SEC61A2: variants seen among roughly 807,000 people sequenced by gnomAD.
The protein encoded by SEC61A2 is protein transport protein Sec61 subunit alpha isoform 2.
SEC61A2 carries 28 observed loss-of-function variants against 59.9 expected under a neutral mutation model. The observed-to-expected ratio is 0.47, with a 90% confidence interval of 0.35 to 0.64. The LOEUF (loss-of-function observed/expected upper bound fraction) is 0.64. Ranked by LOEUF, SEC61A2 falls within the 30% of genes least tolerant of loss-of-function variation. SEC61A2 has a pLI of 0.01. For synonymous variants in SEC61A2, 202 were observed against 214.4 expected, an observed-to-expected ratio of 0.94 and a Z score of 0.50; for missense variants, 340 against 585.9, an observed-to-expected ratio of 0.58 and a Z score of 4.33.
At chr10:12,151,863 C>T (rs1028165600) in intron 6 of SEC61A2, among the ~76,000 whole-genome samples, 1 of 151,880 alleles carries the variant, frequency 6.6e-6, no homozygotes, top group African/African-American at 2.4e-5. Flanking sequence ...ACCTCTGCCT[C>T]CTGGGTTCAA....
At chr10:12,146,772 C>A (rs1165306898) in intron 4 of SEC61A2, among the ~76,000 whole-genome samples, 2 of 152,172 alleles carry the variant, frequency 1.3e-5, no homozygotes, top group Non-Finnish European at 2.9e-5. Context: ...CCCGCCTCAG[C>A]CTCCCAAAGT....
rs1834604704 is a variant in SEC61A2 at position 12,164,112 on chromosome 10, G to C, written c.1245-156G>C. Among the ~76,000 whole-genome samples, 2 of 152,138 alleles carry C rather than the reference G, an allele frequency of 1.3e-5. No homozygotes were observed. Among genetic ancestry groups the C allele is most frequent in the African/African-American group, 4.8e-5 (2 of 41,414 alleles). The stretch of plus-strand genomic sequence containing the variant: ...ATCAGAGCTCCTGTTCCCATGCCGT[G>C]CCCTGCACACCCCTCCACACTGCAG... On this transcript the variant is annotated intron_variant, in intron 11 of 11. Coordinates refer to ENST00000298428, the MANE Select transcript of SEC61A2 (RefSeq NM_018144.4). This position sits in a 1 kb window ranked among gnomAD's most constrained non-coding sequence, Gnocchi z 7.3.
At chr10:12,132,398 G>C (rs2131641520) in intron 1 of SEC61A2, among the ~76,000 whole-genome samples, 1 of 152,166 alleles carries the variant, frequency 6.6e-6, no homozygotes, top group South Asian at 2.1e-4. Context: ...AGGATCGCTT[G>C]ACGTTAGGAG....
In SEC61A2 at chr10:12,129,684, C is replaced by T. The variant is rs1474002917; in HGVS notation, c.-104C>T. 4 of 1,152,308 alleles carry T rather than the reference C, an allele frequency of 3.5e-6. No homozygotes were observed. In the South Asian group the frequency reaches 4.2e-5, roughly 12 times the overall value. The allele number at this position is 1,152,308 out of a possible 1,614,324, so 71.4% of individuals were successfully genotyped here. A position where few individuals can be genotyped will look rare whatever the true frequency, so the allele number is the denominator to read the frequency against. On this transcript the variant is annotated 5_prime_UTR_variant, in exon 1 of 12. Transcript: ENST00000298428. This position sits in a 1 kb window ranked among gnomAD's most constrained non-coding sequence, Gnocchi z 5.6. Reference sequence around the variant, plus strand: ...GGGTTGGGCGGAGCCTGCGCGGGGCCGGTAGGATCGCGTCGGGAGCCGGTA... The same window carrying T: ...GGGTTGGGCGGAGCCTGCGCGGGGCTGGTAGGATCGCGTCGGGAGCCGGTA...
chr10:12,169,775 C>T (rs766855945), downstream of SEC61A2: 8 of 247,934 alleles, frequency 3.2e-5, no homozygotes, highest in South Asian at 7.8e-4. This position sits in a 1 kb window ranked among gnomAD's most constrained non-coding sequence, Gnocchi z 4.8. Context: ...CAAAACCAGG[C>T]GCTCTGCTTA....
intron 8 of SEC61A2, among the ~76,000 whole-genome samples, 178 bp downstream of exon 8, chr10:12,157,245 T>C (rs1834419323): frequency 6.6e-6 from 1 of 152,198 alleles, no homozygotes; most frequent in Admixed American, 6.5e-5. Flanking sequence ...GGAGTCTCTG[T>C]ACTTTTTTTG....
Position 12,149,581 on chromosome 10 carries a change from C to T in SEC61A2, c.221-14C>T. 1.9e-6 allele frequency: 3 copies of T among 1,595,880 alleles called. No individual in the cohort carries two copies. Among genetic ancestry groups the T allele is most frequent in the South Asian group, 1.1e-5 (1 of 87,084 alleles). ...ACAGCAAACATTGCACACTTCTCTC[C>T]CCTTCCTTTCCAGGAACTTTAATGG... On this transcript the variant is annotated splice_polypyrimidine_tract_variant and intron_variant, in intron 4 of 11. Coordinates refer to ENST00000298428, the MANE Select transcript of SEC61A2 (RefSeq NM_018144.4). The surrounding 1 kb of genome is among the most constrained non-coding windows in gnomAD (Gnocchi z 5.2).
chr10:12,164,010 A>T lies in SEC61A2; in HGVS notation c.1245-258A>T. Among the ~76,000 whole-genome samples, 1 of 152,210 alleles carries T rather than the reference A, an allele frequency of 6.6e-6. No individual in the cohort carries two copies. Among genetic ancestry groups the T allele is most frequent in the Non-Finnish European group, 1.5e-5 (1 of 68,030 alleles). On this transcript the variant is annotated intron_variant, in intron 11 of 11. Coordinates refer to ENST00000298428, the MANE Select transcript of SEC61A2 (RefSeq NM_018144.4). This position sits in a 1 kb window ranked among gnomAD's most constrained non-coding sequence, Gnocchi z 7.3. ...ATATTTAAATCTGTCCAGGAATCTC[A>T]TGTCCTGTAAGATTACATATTGTCT...
intron 1 of SEC61A2, among the ~76,000 whole-genome samples, chr10:12,130,207 A>C (rs1397206726): frequency 6.6e-6 from 1 of 152,204 alleles, no homozygotes; most frequent in African/African-American, 2.4e-5. Flanking sequence ...TTTTAAAAAA[A>C]GTGATGCATG....
In SEC61A2 at chr10:12,155,670, G is replaced by C; in HGVS notation, c.463-108G>C. 7.8e-7 allele frequency: 1 copy of C among 1,279,450 alleles called. No individual in the cohort carries two copies. Among genetic ancestry groups the C allele is most frequent in the Non-Finnish European group, 1.1e-6 (1 of 895,278 alleles). The allele number at this position is 1,279,450 out of a possible 1,614,324, so 79.3% of individuals were successfully genotyped here. ...CATCACAGTGAGATTGCAACGATCAGGCCTTAATATTCAAAACGCCCCTAG... is the reference window on the plus strand; with the variant it reads ...CATCACAGTGAGATTGCAACGATCACGCCTTAATATTCAAAACGCCCCTAG... On this transcript the variant is annotated intron_variant, in intron 6 of 11. Transcript: ENST00000298428. The surrounding 1 kb of genome is among the most constrained non-coding windows in gnomAD (Gnocchi z 4.3).
At position 12,162,420 on chromosome 10, in the gene SEC61A2, A is replaced by C. The variant is rs995731962; in HGVS notation, c.1244+131A>C. 3 of 872,850 alleles carry C rather than the reference A, an allele frequency of 3.4e-6. No individual in the cohort carries two copies. The highest frequency in any genetic ancestry group is 1.6e-5 in the African/African-American group (1 of 60,870). 54.1% of individuals were successfully genotyped at this position (872,850 alleles called of 1,614,324 possible). ...ATTCACACAGATGAATCAAAATTTC[A>C]CACAAAACTTGTTTTCCATGTCAAA... On this transcript the variant is annotated intron_variant, in intron 11 of 11. Coordinates refer to ENST00000298428, the MANE Select transcript of SEC61A2 (RefSeq NM_018144.4). This position sits in a 1 kb window ranked among gnomAD's most constrained non-coding sequence, Gnocchi z 6.1.
In SEC61A2 at chr10:12,149,792, T is replaced by G; in HGVS notation, c.353-60T>G. 6.2e-7 allele frequency: 1 copy of G among 1,606,602 alleles called. No individual in the cohort carries two copies. The highest frequency in any genetic ancestry group is 1.1e-5 in the South Asian group (1 of 90,416). On this transcript the variant is annotated intron_variant, in intron 5 of 11. Transcript: ENST00000298428. This position sits in a 1 kb window ranked among gnomAD's most constrained non-coding sequence, Gnocchi z 5.2. Reference sequence around the variant, plus strand: ...GAGTGCTCGTGGTAAAGATGTTTTCTCTAGTCTTTTCTTGTCTTTGGTGGT... The same window carrying G: ...GAGTGCTCGTGGTAAAGATGTTTTCGCTAGTCTTTTCTTGTCTTTGGTGGT...
At chr10:12,137,749 G>A (rs1216704503) in intron 3 of SEC61A2, among the ~76,000 whole-genome samples, 1 of 152,154 alleles carries the variant, frequency 6.6e-6, no homozygotes, top group Admixed American at 6.6e-5. Flanking sequence ...GCTCATGCCT[G>A]TAATCCCAGC....
At position 12,143,897 on chromosome 10, in the gene SEC61A2, C is replaced by T. The variant is rs2131660060; in HGVS notation, c.220+702C>T. The stretch of plus-strand genomic sequence containing the variant: ...TCGTGAGGTTTCTTACATTTAGGAA[C>T]AGTGGTTGCCTCTTTTTTGGAAACA... On this transcript the variant is annotated intron_variant, in intron 4 of 11. Coordinates refer to ENST00000298428, the MANE Select transcript of SEC61A2 (RefSeq NM_018144.4). This position sits in a 1 kb window ranked among gnomAD's most constrained non-coding sequence, Gnocchi z 4.8. 6.6e-6 allele frequency among the ~76,000 whole-genome samples: 1 copy of T among 152,264 alleles called. No homozygotes were observed. Among genetic ancestry groups the T allele is most frequent in the Non-Finnish European group, 1.5e-5 (1 of 68,016 alleles).
intron 1 of SEC61A2, among the ~76,000 whole-genome samples, chr10:12,131,474 C>T (rs1833735796): frequency 6.6e-6 from 1 of 152,092 alleles, no homozygotes; most frequent in Non-Finnish European, 1.5e-5. Context: ...TAAGCCGTGC[C>T]AGAAGACAGT....
chr10:12,155,627 C>G lies in SEC61A2; in HGVS notation c.463-151C>G. 1.1e-6 allele frequency: 1 copy of G among 908,920 alleles called. No individual in the cohort carries two copies. The highest frequency in any genetic ancestry group is 1.7e-6 in the Non-Finnish European group (1 of 580,480). The allele number at this position is 908,920 out of a possible 1,614,324, so 56.3% of individuals were successfully genotyped here. A position where few individuals can be genotyped will look rare whatever the true frequency, so the allele number is the denominator to read the frequency against. On this transcript the variant is annotated intron_variant, in intron 6 of 11. Transcript: ENST00000298428. The surrounding 1 kb of genome is among the most constrained non-coding windows in gnomAD (Gnocchi z 4.3). Reference sequence around the variant, plus strand: ...ATTGGCCTGAGTAAATGAAAGCAGGCCAAAAGATGCAGTTGGTCATCACAG... The same window carrying G: ...ATTGGCCTGAGTAAATGAAAGCAGGGCAAAAGATGCAGTTGGTCATCACAG...
At position 12,155,255 on chromosome 10, in the gene SEC61A2, T is replaced by C. The variant is rs1234316663; in HGVS notation, c.463-523T>C. 9.8e-6 allele frequency: 12 copies of C among 1,228,374 alleles called. No homozygotes were observed. The Admixed American group carries it at 3.7e-4, about 38-fold the overall frequency. 76.1% of individuals were successfully genotyped at this position (1,228,374 alleles called of 1,614,324 possible). ...ATATTTGTGTTCTAGTTTTTTATTCTGTACACATTTTATAGAGTATACATA... is the reference window on the plus strand; with the variant it reads ...ATATTTGTGTTCTAGTTTTTTATTCCGTACACATTTTATAGAGTATACATA... On this transcript the variant is annotated intron_variant, in intron 6 of 11. Transcript: ENST00000298428. This position sits in a 1 kb window ranked among gnomAD's most constrained non-coding sequence, Gnocchi z 4.3.
At chr10:12,159,003 A>T (rs11257571) in intron 9 of SEC61A2, among the ~76,000 whole-genome samples, 22 of 146,854 alleles carry the variant, frequency 1.5e-4, no homozygotes, top group South Asian at 4.4e-4. Flanking sequence ...TTTGAGACGG[A>T]GTCTCGCTGT....
At chr10:12,146,619 A>G (rs896827199) in intron 4 of SEC61A2, among the ~76,000 whole-genome samples, 3 of 150,576 alleles carry the variant, frequency 2.0e-5, no homozygotes, top group Admixed American at 6.6e-5. Flanking sequence ...CCGGGTTCAC[A>G]CCATTCTCCT....
Sources: allele counts gnomAD v4.1 joint callset (sites outside exome capture counted in the v4.1 genomes callset), GRCh38; gene constraint gnomAD v4.1.1; non-coding constraint Gnocchi (gnomAD v3.1); transcripts MANE v1.5; gene names NCBI Gene and HGNC (gene_info 2026-07-23, HGNC 2026-07-21).